DENND1B: variants seen among roughly 807,000 people sequenced by gnomAD.
The protein encoded by DENND1B is DENN domain-containing protein 1B.
Under a neutral mutation model 90.1 loss-of-function variants are expected in DENND1B, and 59 were observed. The observed-to-expected ratio is 0.65, with a 90% CI of 0.53 to 0.81. DENND1B has a LOEUF of 0.81. DENND1B is among the 40% of genes least tolerant of loss of function. The pLI is 0.00. For synonymous variants in DENND1B, 337 were observed against 324.6 expected, an observed-to-expected ratio of 1.04 and a Z score of -0.41; for missense variants, 862 against 912.6, an observed-to-expected ratio of 0.94 and a Z score of 0.71.
intron 10 of DENND1B, among the ~76,000 whole-genome samples, chr1:197,629,421 G>A (rs555479363): frequency 6.0e-5 from 9 of 150,360 alleles, no homozygotes; most frequent in South Asian, 2.1e-4. Flanking sequence ...GTAAACTATC[G>A]CAAGGACAGA....
intron 18 of DENND1B, among the ~76,000 whole-genome samples, chr1:197,544,286 TA>T (rs1670554668): frequency 6.6e-6 from 1 of 152,254 alleles, no homozygotes; most frequent in East Asian, 1.9e-4. Context: ...TGGTGTTGAC[TA>T]GGTGGATAAA....
At chr1:197,623,035 G>C (rs1678316000) in intron 10 of DENND1B, among the ~76,000 whole-genome samples, 1 of 151,202 alleles carries the variant, frequency 6.6e-6, no homozygotes, top group African/African-American at 2.4e-5. Flanking sequence ...TAGACACATT[G>C]CTACTCACAC....
At chr1:197,688,480 C>G (rs1657493670) in intron 3 of DENND1B, among the ~76,000 whole-genome samples, 1 of 151,958 alleles carries the variant, frequency 6.6e-6, no homozygotes, top group Non-Finnish European at 1.5e-5. Flanking sequence ...GACATATAAC[C>G]AATGGAACAA....
At chr1:197,581,501 G>A (rs1175324318) in intron 15 of DENND1B, among the ~76,000 whole-genome samples, 1 of 152,172 alleles carries the variant, frequency 6.6e-6, no homozygotes, top group Non-Finnish European at 1.5e-5. Context: ...AAGGCACCAT[G>A]CATTGTGCTG....
chr1:197,665,189 T>C (rs1367799728), intron 5 of DENND1B, among the ~76,000 whole-genome samples: 3 of 151,978 alleles, frequency 2.0e-5, no homozygotes, highest in Non-Finnish European at 4.4e-5. Context: ...TTCTGAAAGG[T>C]GAACAAAATA....
rs184159466 is a variant in DENND1B, at chr1:197,614,931, T to G, written c.773+2728A>C. Among the ~76,000 whole-genome samples the G allele has an allele frequency of 2.0e-3, 308 of 151,092 alleles. 1 individual carries two copies. The highest frequency in any genetic ancestry group is 7.3e-3 in the African/African-American group (301 of 41,378). On this transcript the variant is annotated intron_variant, in intron 11 of 22. Transcript: ENST00000620048. ...TGGACTTAGATAGGTTAAGACTGTC[T>G]TGCAACATCATAGACTTGCCACATT...
chr1:197,717,425 T>C (rs1660749304), intron 2 of DENND1B, among the ~76,000 whole-genome samples: 1 of 151,846 alleles, frequency 6.6e-6, no homozygotes, highest in Non-Finnish European at 1.5e-5. Flanking sequence ...TTCCAATGCC[T>C]ACCAGTAAAT....
At chr1:197,767,601 G>C (rs977703963) in intron 2 of DENND1B, among the ~76,000 whole-genome samples, 2 of 152,098 alleles carry the variant, frequency 1.3e-5, no homozygotes, top group African/African-American at 4.8e-5. Context: ...AAGGAATAAA[G>C]AAAACAAGAC....
intron 10 of DENND1B, among the ~76,000 whole-genome samples, chr1:197,618,776 TA>T (rs1382184568): frequency 1.3e-5 from 2 of 150,502 alleles, no homozygotes; most frequent in Non-Finnish European, 3.0e-5. Flanking sequence ...AGATCAGAAT[TA>T]AAAAAAAATC....
intron 20 of DENND1B, among the ~76,000 whole-genome samples, chr1:197,527,321 T>TG (rs1669215361): frequency 6.6e-6 from 1 of 151,220 alleles, no homozygotes; most frequent in African/African-American, 2.4e-5. Flanking sequence ...TGTTTTTGTT[T>TG]TTTTTCTGAG....
chr1:197,616,496 A>G (rs984082868), intron 11 of DENND1B, among the ~76,000 whole-genome samples: 4 of 151,066 alleles, frequency 2.6e-5, no homozygotes, highest in Admixed American at 6.6e-5. Flanking sequence ...TAGCAATGGT[A>G]GGTCACTGGG....
At chr1:197,631,364 G>T (rs1020061731) in intron 10 of DENND1B, among the ~76,000 whole-genome samples, 1 of 151,710 alleles carries the variant, frequency 6.6e-6, no homozygotes, top group African/African-American at 2.4e-5. Context: ...GAAATTTCAG[G>T]GTAAAAGAAA....
chr1:197,653,282 C>T (rs1306885828), intron 6 of DENND1B, among the ~76,000 whole-genome samples: 1 of 151,990 alleles, frequency 6.6e-6, no homozygotes, highest in Non-Finnish European at 1.5e-5. Context: ...AATACCATTC[C>T]CCTTTGTAAA....
At chr1:197,655,355 G>A (rs189835353) in intron 6 of DENND1B, among the ~76,000 whole-genome samples, 145 of 152,238 alleles carry the variant, frequency 9.5e-4, no homozygotes, top group African/African-American at 3.4e-3. Flanking sequence ...CACAGAGATA[G>A]AACAGTTCCA....
intron 2 of DENND1B, among the ~76,000 whole-genome samples, chr1:197,738,375 G>A (rs1478320227): frequency 6.6e-6 from 1 of 152,134 alleles, no homozygotes; most frequent in Non-Finnish European, 1.5e-5. Context: ...CTCGTTTCTG[G>A]GAACTACATC....
At chr1:197,715,410 C>T (rs1267949978) in intron 2 of DENND1B, among the ~76,000 whole-genome samples, 1 of 151,806 alleles carries the variant, frequency 6.6e-6, no homozygotes, top group African/African-American at 2.4e-5. Context: ...TCTATTTTAA[C>T]TACACTTTTA....
At chr1:197,738,200 T>C (rs1305777488) in intron 2 of DENND1B, among the ~76,000 whole-genome samples, 1 of 152,242 alleles carries the variant, frequency 6.6e-6, no homozygotes, top group African/African-American at 2.4e-5. Flanking sequence ...TCTAATATTA[T>C]AACTGGAAAA....
At chr1:197,678,089 C>T (rs1337712600) in intron 3 of DENND1B, among the ~76,000 whole-genome samples, 1 of 152,174 alleles carries the variant, frequency 6.6e-6, no homozygotes, top group African/African-American at 2.4e-5. Flanking sequence ...ATAAGCCACT[C>T]CTAAACTAAT....
intron 18 of DENND1B, among the ~76,000 whole-genome samples, chr1:197,541,721 T>C (rs180878791): frequency 6.6e-6 from 1 of 152,320 alleles, no homozygotes; most frequent in East Asian, 1.9e-4. Context: ...AAGGAATTCA[T>C]ATTTATTTTG....
Sources: allele counts gnomAD v4.1 joint callset (sites outside exome capture counted in the v4.1 genomes callset), GRCh38; gene constraint gnomAD v4.1.1; transcripts MANE v1.5; gene names NCBI Gene and HGNC (gene_info 2026-07-23, HGNC 2026-07-21).